GRK6: variants seen among roughly 807,000 people sequenced by gnomAD.
The protein encoded by GRK6 is G protein-coupled receptor kinase 6.
Under a neutral mutation model 80.8 loss-of-function variants are expected in GRK6, and 37 were observed. The observed-to-expected ratio is 0.46, with a 90% confidence interval of 0.35 to 0.60. The LOEUF is 0.60. GRK6 is among the 20% of genes least tolerant of loss of function. The pLI, the probability that GRK6 is intolerant of heterozygous loss-of-function variation, is 0.00. For synonymous variants in GRK6, 295 were observed against 320.9 expected, an observed-to-expected ratio of 0.92 and a Z score of 0.86; for missense variants, 560 against 784.6, an observed-to-expected ratio of 0.71 and a Z score of 3.42.
At chr5:177,436,579 G>C in intron 13 of GRK6, 49 bp downstream of exon 13, 1 of 1,501,214 alleles carries the variant, frequency 6.7e-7, no homozygotes, top group Non-Finnish European at 8.9e-7. Context: ...CAGGGCTGGG[G>C]CTCAGGGGCT....
intron 15 of GRK6, among the ~76,000 whole-genome samples, chr5:177,441,535 C>A (rs1056954409): frequency 6.6e-6 from 1 of 152,146 alleles, no homozygotes; most frequent in Non-Finnish European, 1.5e-5. Flanking sequence ...AGTCTGTTGC[C>A]GGCAGCCTCT....
At position 177,426,730 on chromosome 5, in the gene GRK6, G is replaced by A. The variant is rs2127367878; in HGVS notation, c.-116G>A. The A allele has an allele frequency of 4.3e-6, 2 of 459,954 alleles. No individual in the cohort carries two copies. Among genetic ancestry groups the A allele is most frequent in the African/African-American group, 2.1e-5 (1 of 46,942 alleles). The allele number at this position is 459,954 out of a possible 1,614,324, so 28.5% of individuals were successfully genotyped here. ...GGGAGGCCGGGGAGGCCGCGGCGCGGTCACTGCGAGCCGAGCCGAGCCGCG... is the reference window on the plus strand; with the variant it reads ...GGGAGGCCGGGGAGGCCGCGGCGCGATCACTGCGAGCCGAGCCGAGCCGCG... On this transcript the variant is annotated 5_prime_UTR_variant, in exon 1 of 16. Transcript: ENST00000355472.
At position 177,432,084 on chromosome 5, in the gene GRK6, T is replaced by C. The variant is rs761090950; in HGVS notation, c.238T>C (p.Cys80Arg). Residue 80 changes from cysteine (C) to arginine (R), a missense_variant, in exon 3 of 16, where the codon TGC (cysteine) becomes CGC (arginine). Cys to Arg is a radical substitution (Grantham distance 180). Around this residue, in one of 3 missense-constraint regions of GRK6, gnomAD observed 189 missense variants for 230.2 expected, o/e 0.82. Coordinates refer to ENST00000355472, the MANE Select transcript of GRK6 (RefSeq NM_001004106.3). ...TGCCACGAGGCCGGAGCTGAGCCGC[T>C]GCGTCGCCTTCCTGGATGGGGTGGT... ...FCATRPELSRCVAFLDGVAEY... is the reference protein window; with the variant it reads ...FCATRPELSRRVAFLDGVAEY... 1.9e-6 allele frequency: 3 copies of C among 1,611,654 alleles called. No homozygotes were observed. The highest frequency in any genetic ancestry group is 1.3e-5 in the African/African-American group (1 of 75,034).
intron 2 of GRK6, among the ~76,000 whole-genome samples, chr5:177,431,429 G>C (rs1305490535): frequency 1.3e-5 from 2 of 152,332 alleles, no homozygotes; most frequent in East Asian, 1.9e-4. Context: ...CCTGGGAGGG[G>C]ACAGAAGGGC....
At chr5:177,426,615 A>G (rs571772652), upstream of GRK6, 2 of 149,624 alleles carry the variant, frequency 1.3e-5, no homozygotes, top group African/African-American at 2.4e-5. Context: ...GATTGGTCAA[A>G]TGAGGTAAAC....
Position 177,441,935 on chromosome 5 carries a change from C to G in GRK6, c.*145C>G. On this transcript the variant is annotated 3_prime_UTR_variant, in exon 16 of 16. Coordinates refer to ENST00000355472, the MANE Select transcript of GRK6 (RefSeq NM_001004106.3). ...GGAGCTGTCCCCAGTGTCCTCCGTC[C>G]CTCAGCCCCTGGCCTGGCTGAGTTT... is the stretch of plus-strand genomic sequence containing the variant. 1 of 742,648 alleles carries G rather than the reference C, an allele frequency of 1.3e-6. No individual in the cohort carries two copies. Among genetic ancestry groups the G allele is most frequent in the Non-Finnish European group, 2.3e-6 (1 of 440,066 alleles). 46.0% of individuals were successfully genotyped at this position (742,648 alleles called of 1,614,324 possible).
chr5:177,441,564 G>C (rs564098123), intron 15 of GRK6, among the ~76,000 whole-genome samples, 173 bp from the exon 16 acceptor site: 3 of 152,240 alleles, frequency 2.0e-5, no homozygotes, highest in African/African-American at 4.8e-5. Context: ...GCCCACCCAC[G>C]TGTGGCCTGA....
At chr5:177,438,611 C>T (rs945351896) in intron 13 of GRK6, 1 of 152,292 alleles carries the variant, frequency 6.6e-6, no homozygotes, top group Non-Finnish European at 1.5e-5. Flanking sequence ...ACCTGTGTGG[C>T]TGAGTGAGCC....
chr5:177,426,286 A>G (rs1402224818), upstream of GRK6, among the ~76,000 whole-genome samples: 1 of 152,238 alleles, frequency 6.6e-6, no homozygotes, highest in Non-Finnish European at 1.5e-5. Flanking sequence ...CCTTCAGGCG[A>G]CGACCCAATC....
intron 13 of GRK6, 136 bp downstream of exon 13, chr5:177,436,666 A>T (rs972590294): frequency 5.0e-5 from 44 of 881,782 alleles, no homozygotes; most frequent in Non-Finnish European, 6.7e-5. Context: ...AGAAATAAAG[A>T]TAATTCACAA....
intron 15 of GRK6, 45 bp from the exon 16 acceptor site, chr5:177,441,692 T>G: frequency 6.7e-7 from 1 of 1,496,576 alleles, no homozygotes; most frequent in Non-Finnish European, 9.3e-7. Flanking sequence ...TAATGGCACC[T>G]GCTCTGCCTC....
At position 177,431,981 on chromosome 5, in the gene GRK6, A is replaced by G. The variant is rs200199689; in HGVS notation, c.149-14A>G. 7 of 1,611,214 alleles carry G rather than the reference A, an allele frequency of 4.3e-6. No homozygotes were observed. In the Admixed American group the frequency reaches 8.3e-5, roughly 19 times the overall value. ...TCGGGCTGTGGACCCAGCAGCTTCCATCACTGCCAACAGAGCGTGACTATC... is the reference window on the plus strand; with the variant it reads ...TCGGGCTGTGGACCCAGCAGCTTCCGTCACTGCCAACAGAGCGTGACTATC... On this transcript the variant is annotated splice_polypyrimidine_tract_variant and intron_variant, in intron 2 of 15. Transcript: ENST00000355472.
chr5:177,426,933 G>A (rs1206266706), intron 1 of GRK6, 36 bp downstream of exon 1: 22 of 1,309,598 alleles, frequency 1.7e-5, no homozygotes, highest in Non-Finnish European at 2.0e-5. Flanking sequence ...GCCCGGGTGC[G>A]TGGAGCGCGA....
chr5:177,426,044 C>T (rs1211871567), upstream of GRK6, among the ~76,000 whole-genome samples: 1 of 152,190 alleles, frequency 6.6e-6, no homozygotes, highest in Non-Finnish European at 1.5e-5. Context: ...CTGGGCGGGG[C>T]GCCTGCGGCG....
rs1279271779 is a variant in GRK6 at position 177,436,533 on chromosome 5, G to A, written c.1404+3G>A. The A allele has an allele frequency of 1.9e-6, 3 of 1,585,088 alleles. No homozygotes were observed. The highest frequency in any genetic ancestry group is 1.7e-6 in the Non-Finnish European group (2 of 1,165,010). ...TGGAGCCGCCGTTCAAGCCTGACGT[G>A]AGTGCAGCCCACTCCTGCTGAGGGC... On this transcript the variant is annotated splice_donor_region_variant and intron_variant, in intron 13 of 15. Coordinates refer to ENST00000355472, the MANE Select transcript of GRK6 (RefSeq NM_001004106.3).
chr5:177,425,789 G>A (rs113094033), upstream of GRK6, among the ~76,000 whole-genome samples: 10 of 152,398 alleles, frequency 6.6e-5, 1 homozygote, highest in African/African-American at 1.9e-4. Flanking sequence ...GAAGTAGGGG[G>A]TGGAGGAAGC....
At position 177,432,265 on chromosome 5, in the gene GRK6, G is replaced by A. The variant is rs1377172412; in HGVS notation, c.294G>A (p.Arg98=). ...AEYEVTPDDK[R]KACGRQLTQN... Reference sequence around the variant, plus strand: ...ATGAAGTGACCCCGGATGACAAGCGGAAGGCATGTGGGCGGCAGCTAACGC... The same window carrying A: ...ATGAAGTGACCCCGGATGACAAGCGAAAGGCATGTGGGCGGCAGCTAACGC... Residue 98 remains arginine, a synonymous_variant, in exon 4 of 16, where the codon CGG becomes CGA. Coordinates refer to ENST00000355472, the MANE Select transcript of GRK6 (RefSeq NM_001004106.3). 1 of 1,613,468 alleles carries A rather than the reference G, an allele frequency of 6.2e-7. No homozygotes were observed.
At chr5:177,426,246 C>A (rs772069210), upstream of GRK6, among the ~76,000 whole-genome samples, 67 of 152,334 alleles carry the variant, frequency 4.4e-4, 1 homozygote, top group Non-Finnish European at 7.4e-4. Context: ...CTAGAAAAGC[C>A]GTCTGCGAGC....
intron 13 of GRK6, among the ~76,000 whole-genome samples, chr5:177,439,120 A>G (rs554425085): frequency 5.9e-5 from 9 of 152,362 alleles, no homozygotes; most frequent in Non-Finnish European, 1.0e-4. Context: ...CGGAGATAAA[A>G]TCAGTGCCCT....
Sources: allele counts gnomAD v4.1 joint callset (sites outside exome capture counted in the v4.1 genomes callset), GRCh38; gene constraint gnomAD v4.1.1; regional missense constraint gnomAD v4.1.1; transcripts MANE v1.5; gene names NCBI Gene and HGNC (gene_info 2026-07-23, HGNC 2026-07-21).